Variants in ERBB4 observed in about 807,000 individuals in gnomAD.
ERBB4 encodes erb-b2 receptor tyrosine kinase 4.
ERBB4 carries 42 observed loss-of-function variants against 158.0 expected under a neutral mutation model. The observed-to-expected ratio is 0.27, with a 90% CI of 0.21 to 0.34. ERBB4 has a LOEUF of 0.34. Among genes scored for constraint, ERBB4 ranks in the 10% least tolerant of loss-of-function variants. ERBB4 has a pLI of 1.00. For synonymous variants in ERBB4, 583 were observed against 558.7 expected (o/e 1.04, Z -0.61); for missense variants, 1,333 against 1,624.1 (o/e 0.82, Z 3.08).
intron 1 of ERBB4, among the ~76,000 whole-genome samples, chr2:212,308,333 C>G (rs1484818976): frequency 1.3e-5 from 2 of 151,002 alleles, no homozygotes; most frequent in East Asian, 3.9e-4. Context: ...CAGAGGACAG[C>G]AAGAATCCTG....
At chr2:211,458,105 T>C (rs2064429425) in intron 20 of ERBB4, among the ~76,000 whole-genome samples, 2 of 152,120 alleles carry the variant, frequency 1.3e-5, no homozygotes, top group Admixed American at 1.3e-4. Flanking sequence ...TCCATAGATA[T>C]ATCACTCTAT....
chr2:211,622,086 A>G (rs1403889886), intron 18 of ERBB4, among the ~76,000 whole-genome samples: 1 of 152,244 alleles, frequency 6.6e-6, no homozygotes, highest in African/African-American at 2.4e-5. Flanking sequence ...CAATTTGTCA[A>G]TTTAAATAAT....
chr2:212,268,395 A>G (rs1384899698), intron 1 of ERBB4, among the ~76,000 whole-genome samples: 1 of 151,910 alleles, frequency 6.6e-6, no homozygotes, highest in Non-Finnish European at 1.5e-5. Flanking sequence ...TGAAACATTA[A>G]TTTTCGTATG....
Position 211,622,993 on chromosome 2 carries a change from ATATATATATATATATATATATATATAT to A in ERBB4, c.2202+902_2202+928del, listed in dbSNP as rs1559356924. ...AAAAAAAAAAAAAAAAAAAAAAAAT[ATATATATATATATATATATATATATAT>A]ATATATATATATATATATATATATA... On this transcript the variant is annotated intron_variant, in intron 18 of 27. Transcript: ENST00000342788. Among the ~76,000 whole-genome samples, 8 of 7,428 alleles carry A rather than the reference ATATATATATATATATATATATATATAT, an allele frequency of 1.1e-3. 1 individual carries two copies. Among genetic ancestry groups the A allele is most frequent in the African/African-American group, 4.1e-3 (8 of 1,974 alleles). 4.9% of individuals were successfully genotyped at this position (7,428 alleles called of 152,430 possible).
At chr2:212,183,008 A>G (rs1173349983) in intron 1 of ERBB4, among the ~76,000 whole-genome samples, 2 of 151,804 alleles carry the variant, frequency 1.3e-5, no homozygotes, top group Admixed American at 1.3e-4. Context: ...CAAAAATAAT[A>G]TAGATAAAAC....
chr2:212,484,045 G>A (rs1180336302), intron 1 of ERBB4, among the ~76,000 whole-genome samples: 1 of 151,936 alleles, frequency 6.6e-6, no homozygotes, highest in Non-Finnish European at 1.5e-5. Context: ...CTGTCATCAT[G>A]TTCTTTAAAC....
intron 19 of ERBB4, among the ~76,000 whole-genome samples, chr2:211,596,354 A>C (rs561267037): frequency 6.6e-6 from 1 of 152,348 alleles, no homozygotes; most frequent in South Asian, 2.1e-4. Flanking sequence ...ACACAGCTCA[A>C]TGGAACAGAA....
At chr2:212,464,923 CA>C (rs1688754830) in intron 1 of ERBB4, among the ~76,000 whole-genome samples, 7 of 151,490 alleles carry the variant, frequency 4.6e-5, no homozygotes, top group African/African-American at 9.7e-5. Context: ...CACACACACA[CA>C]CACCCCTTAG....
At chr2:211,523,098 G>C (rs1041715673) in intron 20 of ERBB4, among the ~76,000 whole-genome samples, 1 of 149,024 alleles carries the variant, frequency 6.7e-6, no homozygotes, top group African/African-American at 2.5e-5. Flanking sequence ...GGTAGAGCAA[G>C]ATGGTGGAAC....
chr2:212,140,829 ATAGAC>A (rs2080438949), intron 1 of ERBB4, among the ~76,000 whole-genome samples: 1 of 149,834 alleles, frequency 6.7e-6, no homozygotes, highest in South Asian at 2.1e-4. Flanking sequence ...TCCCACCTGA[ATAGAC>A]TAGGAAACAT....
chr2:211,655,615 A>C (rs544038310), intron 16 of ERBB4, among the ~76,000 whole-genome samples: 83 of 152,340 alleles, frequency 5.4e-4, no homozygotes, highest in African/African-American at 1.9e-3. Flanking sequence ...ATAACTACAT[A>C]ATTATAAGAA....
chr2:211,614,651 T>G (rs2069317926), intron 19 of ERBB4, among the ~76,000 whole-genome samples: 1 of 152,108 alleles, frequency 6.6e-6, no homozygotes, highest in Non-Finnish European at 1.5e-5. Context: ...TTTTATAATG[T>G]GAAAATGTTA....
At chr2:211,759,907 T>A (rs1186705652) in intron 4 of ERBB4, among the ~76,000 whole-genome samples, 3 of 152,128 alleles carry the variant, frequency 2.0e-5, no homozygotes, top group Non-Finnish European at 4.4e-5. Context: ...TACATTTTTA[T>A]CCTAAACATT....
At chr2:211,611,299 T>G (rs1289696375) in intron 19 of ERBB4, among the ~76,000 whole-genome samples, 1 of 151,124 alleles carries the variant, frequency 6.6e-6, no homozygotes, top group Non-Finnish European at 1.5e-5. Context: ...GAAAATAAGC[T>G]AATTCTGTAG....
intron 20 of ERBB4, among the ~76,000 whole-genome samples, chr2:211,540,511 TTTTTG>T (rs944076549): frequency 6.1e-4 from 92 of 151,822 alleles, no homozygotes; most frequent in African/African-American, 2.0e-3. Context: ...AGCTGAGGTT[TTTTTG>T]TTTTGTTTTG....
intron 20 of ERBB4, among the ~76,000 whole-genome samples, chr2:211,497,199 A>G (rs2065490955): frequency 6.6e-6 from 1 of 152,118 alleles, no homozygotes; most frequent in Non-Finnish European, 1.5e-5. Flanking sequence ...AATTTTTGGC[A>G]TGTATTATTT....
intron 21 of ERBB4, among the ~76,000 whole-genome samples, chr2:211,430,065 T>A (rs1360834114): frequency 6.6e-6 from 1 of 152,096 alleles, no homozygotes; most frequent in East Asian, 1.9e-4. Flanking sequence ...TATTTTGCCT[T>A]GTGATAAAGT....
intron 5 of ERBB4, among the ~76,000 whole-genome samples, chr2:211,733,727 C>T (rs1312815811): frequency 2.6e-5 from 4 of 151,344 alleles, no homozygotes; most frequent in Non-Finnish European, 4.4e-5. Flanking sequence ...AGTTCCCTAT[C>T]CAAAATATTA....
chr2:212,365,236 T>C (rs1026145262), intron 1 of ERBB4, among the ~76,000 whole-genome samples: 10 of 151,714 alleles, frequency 6.6e-5, no homozygotes, highest in African/African-American at 2.4e-4. Context: ...AAGAATAAAA[T>C]GCTCAAATTA....
Sources: allele counts gnomAD v4.1 joint callset (sites outside exome capture counted in the v4.1 genomes callset), GRCh38; gene constraint gnomAD v4.1.1; transcripts MANE v1.5; gene names NCBI Gene and HGNC (gene_info 2026-07-23, HGNC 2026-07-21).